The following JMJD1C variants were observed in gnomAD, a reference collection of about 807,000 sequenced individuals.
JMJD1C encodes the protein jumonji domain-containing protein 1C.
Under a neutral mutation model 245.3 loss-of-function variants are expected in JMJD1C, and 31 were observed. The observed-to-expected ratio is 0.13, with a 90% confidence interval of 0.09 to 0.17. JMJD1C has a LOEUF of 0.17. JMJD1C is among the 10% of genes least tolerant of loss of function. The pLI is 1.00. For synonymous variants in JMJD1C, 1,057 were observed against 1,017.4 expected, an observed-to-expected ratio of 1.04 and a Z score of -0.74; for missense variants, 2,691 against 3,000.2, an observed-to-expected ratio of 0.90 and a Z score of 2.41.
intron 2 of JMJD1C, among the ~76,000 whole-genome samples, chr10:63,339,436 T>C (rs777571652): frequency 9.9e-5 from 15 of 152,142 alleles, no homozygotes; most frequent in Non-Finnish European, 1.5e-4. Context: ...ACAAAACACA[T>C]TGCAGGCTGA....
In JMJD1C at chr10:63,380,501, A is replaced by G; in HGVS notation, c.169-19T>C. On this transcript the variant is annotated intron_variant, in intron 1 of 25. Transcript: ENST00000399262. ...CATACACCTATGAAAACAAAAACAC[A>G]AAATTCAATTAGCAAAATAGAAGAG... is the stretch of plus-strand genomic sequence containing the variant. The G allele has an allele frequency of 6.3e-7, 1 of 1,591,878 alleles. No homozygotes were observed. Among genetic ancestry groups the G allele is most frequent in the Non-Finnish European group, 8.6e-7 (1 of 1,169,176 alleles).
upstream of JMJD1C, among the ~76,000 whole-genome samples, chr10:63,469,066 T>G (rs201106594): frequency 6.6e-6 from 1 of 152,248 alleles, no homozygotes; most frequent in East Asian, 1.9e-4. Context: ...CTACTTAGTT[T>G]AGTCTGAATA....
intron 1 of JMJD1C, among the ~76,000 whole-genome samples, chr10:63,496,455 T>C (rs2133234598): frequency 6.6e-6 from 1 of 152,318 alleles, no homozygotes; most frequent in African/African-American, 2.4e-5. Context: ...ACACATAATA[T>C]GATCTCTGCC....
chr10:63,224,722 G>A (rs1849032288), intron 3 of JMJD1C, among the ~76,000 whole-genome samples: 1 of 152,148 alleles, frequency 6.6e-6, no homozygotes, highest in Non-Finnish European at 1.5e-5. Context: ...ATCTTTCACA[G>A]AATTTAAAAG....
At chr10:63,269,875 T>G (rs757659658) in intron 2 of JMJD1C, among the ~76,000 whole-genome samples, 2 of 152,212 alleles carry the variant, frequency 1.3e-5, no homozygotes, top group Non-Finnish European at 2.9e-5. Context: ...TTCTGCTGTC[T>G]GATGTTGTCC....
intron 2 of JMJD1C, among the ~76,000 whole-genome samples, chr10:63,376,140 A>G (rs1194651772): frequency 6.6e-6 from 1 of 152,206 alleles, no homozygotes; most frequent in East Asian, 1.9e-4. Context: ...CCTTGCATAT[A>G]CAGTCAAAAT....
intron 3 of JMJD1C, among the ~76,000 whole-genome samples, chr10:63,251,097 T>C (rs1316860275): frequency 6.6e-6 from 1 of 152,182 alleles, no homozygotes; most frequent in African/African-American, 2.4e-5. Context: ...GTCCACATAC[T>C]GGATGTTTTG....
At position 63,382,070 on chromosome 10, in the gene JMJD1C, G is replaced by C. The variant is rs147408629; in HGVS notation, c.169-1588C>G. On this transcript the variant is annotated intron_variant, in intron 1 of 25. Transcript: ENST00000399262. ...TACCAAAAATACAAAAATTAGCTGG[G>C]TGTGGTGGCGGGTGCCTGTAGTCCC... Among the ~76,000 whole-genome samples the C allele has an allele frequency of 6.6e-4, 101 of 152,128 alleles. 1 individual carries two copies. The highest frequency in any genetic ancestry group is 2.4e-3 in the African/African-American group (98 of 41,498).
At chr10:63,347,540 C>T (rs1380549556) in intron 2 of JMJD1C, among the ~76,000 whole-genome samples, 2 of 147,964 alleles carry the variant, frequency 1.4e-5, no homozygotes, top group African/African-American at 5.0e-5. Flanking sequence ...GCCAAGACTG[C>T]GCCACTGCAC....
intron 2 of JMJD1C, among the ~76,000 whole-genome samples, chr10:63,327,251 C>T (rs1564791112): frequency 6.6e-6 from 1 of 152,096 alleles, no homozygotes; most frequent in African/African-American, 2.4e-5. Context: ...TATGAGAACA[C>T]AATAATAATA....
chr10:63,220,334 A>C (rs1554843064), intron 3 of JMJD1C, among the ~76,000 whole-genome samples: 1 of 152,222 alleles, frequency 6.6e-6, no homozygotes, highest in Non-Finnish European at 1.5e-5. Context: ...AGGTGTTGGC[A>C]AAAGAACTGA....
At chr10:63,325,643 T>C (rs1022855098) in intron 2 of JMJD1C, among the ~76,000 whole-genome samples, 2 of 152,230 alleles carry the variant, frequency 1.3e-5, no homozygotes, top group African/African-American at 2.4e-5. Context: ...TGATTAGATA[T>C]CTAATTACTA....
chr10:63,277,727 A>ATTTTTTTTTTTTT (rs1389505532), intron 2 of JMJD1C, among the ~76,000 whole-genome samples: 6 of 83,162 alleles, frequency 7.2e-5, no homozygotes, highest in Non-Finnish European at 1.2e-4. Context: ...AGTAATTTGC[A>ATTTTTTTTTTTTT]TTTCTTTTTT....
intron 1 of JMJD1C, among the ~76,000 whole-genome samples, chr10:63,457,349 A>G (rs1952478938): frequency 6.6e-6 from 1 of 152,208 alleles, no homozygotes; most frequent in Admixed American, 6.5e-5. Context: ...ACATGAAGAT[A>G]ATAAATTATA....
At chr10:63,489,799 A>G (rs1954109609) in intron 1 of JMJD1C, among the ~76,000 whole-genome samples, 1 of 152,200 alleles carries the variant, frequency 6.6e-6, no homozygotes, top group South Asian at 2.1e-4. Context: ...GGCGTGAGCC[A>G]CTGGGTCTGG....
chr10:63,220,493 A>C (rs1234695362), intron 3 of JMJD1C, among the ~76,000 whole-genome samples: 1 of 152,212 alleles, frequency 6.6e-6, no homozygotes, highest in Non-Finnish European at 1.5e-5. Context: ...CTGACCAGTA[A>C]TTTTGCTGCT....
At chr10:63,223,096 A>G in intron 3 of JMJD1C, 1 of 812,538 alleles carries the variant, frequency 1.2e-6, no homozygotes, top group South Asian at 2.0e-5. Flanking sequence ...ATTTCATAGT[A>G]AAACTTACCG....
chr10:63,394,841 T>C (rs1383880273), intron 1 of JMJD1C, among the ~76,000 whole-genome samples: 4 of 75,452 alleles, frequency 5.3e-5, no homozygotes, highest in Admixed American at 5.2e-4. Context: ...TGAAACTCCA[T>C]CACAAAAAAA....
chr10:63,293,008 C>T (rs1405996363), intron 2 of JMJD1C, among the ~76,000 whole-genome samples: 1 of 152,198 alleles, frequency 6.6e-6, no homozygotes, highest in Non-Finnish European at 1.5e-5. Context: ...CATGCCACTG[C>T]ACTCCAGCCT....
Sources: gnomAD v4.1 joint callset for allele counts (sites outside exome capture counted in the v4.1 genomes callset) on GRCh38, gnomAD v4.1.1 for gene constraint, MANE v1.5 for transcripts, NCBI Gene and HGNC (gene_info 2026-07-23, HGNC 2026-07-21) for gene names.